The following GPHN variants were observed in gnomAD, a reference collection of about 807,000 sequenced individuals.
The protein encoded by GPHN is gephyrin.
Under a neutral mutation model 95.5 loss-of-function variants are expected in GPHN, and 17 were observed. That is an observed-to-expected ratio of 0.18 (90% confidence interval 0.12 to 0.27). The LOEUF is 0.27. Among genes scored for constraint, GPHN ranks in the 10% least tolerant of loss-of-function variants. GPHN has a pLI of 1.00. For missense variants in GPHN, 660 were observed against 978.1 expected (o/e 0.67, Z 4.34); for synonymous variants, 320 against 322.5 (o/e 0.99, Z 0.08).
the GPHN span, chr14:67,303,612 TA>T: frequency 1.3e-6 from 2 of 1,592,034 alleles, no homozygotes; most frequent in Non-Finnish European, 1.7e-6. Context: ...AAGTGATTTT[TA>T]AATGTTCATT....
chr14:67,623,264 C>T, the GPHN span, among the ~76,000 whole-genome samples: 1 of 152,178 alleles, frequency 6.6e-6, no homozygotes, highest in Non-Finnish European at 1.5e-5. Context: ...TTCAGTTGCT[C>T]TGTTCCTAAA....
chr14:67,206,206 A>G, the GPHN span, among the ~76,000 whole-genome samples: 2 of 151,848 alleles, frequency 1.3e-5, no homozygotes, highest in African/African-American at 4.8e-5. Context: ...AAAAGAAAAG[A>G]AAGATGGTAG....
chr14:66,756,456 A>G (rs927164886), intron 2 of GPHN, among the ~76,000 whole-genome samples: 2 of 152,152 alleles, frequency 1.3e-5, no homozygotes, highest in Non-Finnish European at 2.9e-5. Context: ...TGGAGGGCCA[A>G]CAGAACTCGA....
intron 18 of GPHN, among the ~76,000 whole-genome samples, chr14:67,153,754 C>T (rs1305546589): frequency 1.3e-5 from 2 of 152,224 alleles, no homozygotes; most frequent in Non-Finnish European, 2.9e-5. Flanking sequence ...TGGTGTTTCT[C>T]CTTACCTGAG....
chr14:67,243,489 A>ATT, the GPHN span, among the ~76,000 whole-genome samples: 428 of 100,272 alleles, frequency 4.3e-3, 8 homozygotes, highest in Middle Eastern at 9.1e-3. Context: ...CCAGAATATA[A>ATT]TTTTTTTTTT....
At chr14:66,676,467 T>C (rs190616927) in intron 1 of GPHN, among the ~76,000 whole-genome samples, 8 of 152,218 alleles carry the variant, frequency 5.3e-5, no homozygotes, top group African/African-American at 1.9e-4. Flanking sequence ...TTATTGTGTT[T>C]AGGTATAATC....
At chr14:67,267,062 T>C in the GPHN span, among the ~76,000 whole-genome samples, 1 of 151,824 alleles carries the variant, frequency 6.6e-6, no homozygotes, top group Non-Finnish European at 1.5e-5. Context: ...GAGCCAAGAT[T>C]GTGCCACTGC....
chr14:66,621,988 A>G (rs1382126577), intron 1 of GPHN, among the ~76,000 whole-genome samples: 1 of 152,154 alleles, frequency 6.6e-6, no homozygotes, highest in Non-Finnish European at 1.5e-5. Context: ...TTGGAGCCCC[A>G]GTAGGAACTC....
the GPHN span, chr14:67,691,601 T>C: frequency 2.4e-4 from 47 of 193,374 alleles, 1 homozygote; most frequent in African/African-American, 1.1e-3. Flanking sequence ...GTTCTCTATG[T>C]ACCTCTGCCC....
At chr14:67,466,556 A>T in the GPHN span, among the ~76,000 whole-genome samples, 4 of 152,254 alleles carry the variant, frequency 2.6e-5, no homozygotes. Flanking sequence ...TGGAACACTC[A>T]GCCTGGCCTT....
intron 3 of GPHN, among the ~76,000 whole-genome samples, chr14:66,787,912 C>T (rs1052730641): frequency 2.7e-5 from 4 of 150,756 alleles, no homozygotes; most frequent in East Asian, 1.9e-4. Context: ...AAAGTCTTTA[C>T]GACCTGGGGC....
At chr14:66,706,763 C>G (rs915156091) in intron 2 of GPHN, among the ~76,000 whole-genome samples, 2 of 152,124 alleles carry the variant, frequency 1.3e-5, no homozygotes, top group Non-Finnish European at 2.9e-5. Context: ...GCAAAGACTT[C>G]TTGACAAAAA....
chr14:67,604,417 G>A, the GPHN span, among the ~76,000 whole-genome samples: 7 of 152,080 alleles, frequency 4.6e-5, no homozygotes, highest in African/African-American at 1.4e-4. Context: ...CCTGTCTTGC[G>A]GGCATGGTGG....
At chr14:67,056,271 G>T (rs1477429458) in intron 10 of GPHN, among the ~76,000 whole-genome samples, 5 of 152,284 alleles carry the variant, frequency 3.3e-5, no homozygotes, top group Non-Finnish European at 7.4e-5. Flanking sequence ...GTGCTGATTG[G>T]TGCATTTACA....
the GPHN span, chr14:67,301,904 G>A: frequency 3.4e-6 from 5 of 1,489,320 alleles, no homozygotes; most frequent in Non-Finnish European, 4.5e-6. Context: ...TATGTACATA[G>A]GTTAAAAATC....
At chr14:66,528,658 G>A (rs141370580) in intron 1 of GPHN, among the ~76,000 whole-genome samples, 2 of 152,240 alleles carry the variant, frequency 1.3e-5, no homozygotes, top group South Asian at 2.1e-4. Context: ...GGCAGGCCTC[G>A]TGGTGACAGA....
chr14:67,439,533 GTTTCTTTC>G, the GPHN span, among the ~76,000 whole-genome samples: 2,569 of 96,046 alleles, frequency 0.027, 41 homozygotes, highest in Admixed American at 0.059. Context: ...AAATTCAATA[GTTTCTTTC>G]TTTCTTTCTT....
intron 17 of GPHN, among the ~76,000 whole-genome samples, chr14:67,128,914 A>C (rs1297423921): frequency 6.6e-6 from 1 of 151,460 alleles, no homozygotes; most frequent in East Asian, 1.9e-4. Context: ...TCATGGGTTC[A>C]AGCGATTCTC....
At chr14:67,510,336 TC>T in the GPHN span, among the ~76,000 whole-genome samples, 395 of 152,264 alleles carry the variant, frequency 2.6e-3, 2 homozygotes, top group Admixed American at 4.6e-3. Flanking sequence ...CAGGGAGGGA[TC>T]CCAGATTTCC....
Sources: allele counts gnomAD v4.1 joint callset (sites outside exome capture counted in the v4.1 genomes callset), GRCh38; gene constraint gnomAD v4.1.1; transcripts MANE v1.5; gene names NCBI Gene and HGNC (gene_info 2026-07-23, HGNC 2026-07-21).